The following RAPSN variants were observed in gnomAD, a reference collection of about 807,000 sequenced individuals.
RAPSN encodes receptor associated protein of the synapse, also known as 43 kDa receptor-associated protein of the synapse.
Under a neutral mutation model 45.7 loss-of-function variants are expected in RAPSN, and 33 were observed. That is an observed-to-expected ratio of 0.72 (90% CI 0.55 to 0.97). RAPSN has a LOEUF of 0.97. RAPSN is among the 50% of genes least tolerant of loss of function. The pLI, the probability that RAPSN is intolerant of heterozygous loss-of-function variation, is 0.00. For synonymous variants in RAPSN, 244 were observed against 233.6 expected (o/e 1.04, Z -0.40); for missense variants, 519 against 559.4 (o/e 0.93, Z 0.73).
chr11:47,443,586 G>C (rs2076381510), intron 2 of RAPSN, among the ~76,000 whole-genome samples: 1 of 152,032 alleles, frequency 6.6e-6, no homozygotes, highest in Non-Finnish European at 1.5e-5. Flanking sequence ...TCTTTCTACA[G>C]AATCTTTCCC....
Position 47,448,065 on chromosome 11 carries a change from T to C in RAPSN, c.278A>G (p.Asn93Ser). Residue 93 changes from asparagine to serine, a missense_variant, in exon 2 of 8, where the codon AAC becomes AGC. Transcript: ENST00000298854. Reference sequence around the variant, plus strand: ...CTTGTGAAACTCGCACAGCTTCTCGTTGCTGCGTGCCAGGTTCAGGTAGCT... The same window carrying C: ...CTTGTGAAACTCGCACAGCTTCTCGCTGCTGCGTGCCAGGTTCAGGTAGCT... ...LESYLNLARS[N>S]EKLCEFHKTI... 1 of 1,614,062 alleles carries C rather than the reference T, an allele frequency of 6.2e-7. No individual in the cohort carries two copies. The highest frequency in any genetic ancestry group is 1.1e-5 in the South Asian group (1 of 91,080).
At chr11:47,441,132 G>C in intron 6 of RAPSN, 27 bp downstream of exon 6, 1 of 1,613,944 alleles carries the variant, frequency 6.2e-7, no homozygotes, top group Non-Finnish European at 8.5e-7. Context: ...CTTGACCCCA[G>C]ATCCAGGACA....
chr11:47,443,317 C>T (rs1392952875), intron 2 of RAPSN, among the ~76,000 whole-genome samples: 2 of 152,198 alleles, frequency 1.3e-5, no homozygotes, highest in Admixed American at 1.3e-4. Flanking sequence ...GCGATGCAAC[C>T]ATTGGCTTGT....
At chr11:47,447,181 A>G (rs1221759225) in intron 2 of RAPSN, among the ~76,000 whole-genome samples, 1 of 152,088 alleles carries the variant, frequency 6.6e-6, no homozygotes, top group Non-Finnish European at 1.5e-5. Flanking sequence ...TCAAGCCATC[A>G]AACATCACCT....
chr11:47,438,077 C>T (rs2076327827), intron 7 of RAPSN, 30 bp from the exon 8 acceptor site: 2 of 1,549,100 alleles, frequency 1.3e-6, no homozygotes, highest in East Asian at 2.4e-5. Flanking sequence ...TGTCCACTCC[C>T]CTGAGGCCTG....
intron 2 of RAPSN, among the ~76,000 whole-genome samples, chr11:47,447,106 G>A (rs1002622854): frequency 2.4e-4 from 36 of 152,134 alleles, no homozygotes; most frequent in African/African-American, 8.7e-4. Flanking sequence ...TTGGCTTTAG[G>A]GGCTCGCCCA....
At chr11:47,438,611 C>A in intron 7 of RAPSN, 121 bp downstream of exon 7, 1 of 1,248,978 alleles carries the variant, frequency 8.0e-7, no homozygotes, top group Non-Finnish European at 1.1e-6. Context: ...ACGTGAGGCA[C>A]CACGCCTGGC....
rs924160746 is a variant in RAPSN, at chr11:47,441,703, T to G, written c.820A>C (p.Ser274Arg). The change falls in exon 5 of 8, where the codon AGC (serine) becomes CGC (arginine). Residue 274 changes from serine (S) to arginine (R), a missense_variant. Ser to Arg is a moderately radical substitution (Grantham distance 110, BLOSUM62 -1). Transcript: ENST00000298854. ...CGGTTTCCGATCTCGGTCATGATGC[T>G]CATGGCGGAGTCGTACCTGGGGAAG... is the stretch of plus-strand genomic sequence containing the variant. ...TAFPRYDSAM[S>R]IMTEIGNRLG... 2 of 1,608,948 alleles carry G rather than the reference T, an allele frequency of 1.2e-6. No individual in the cohort carries two copies. The highest frequency in any genetic ancestry group is 1.7e-6 in the Non-Finnish European group (2 of 1,179,902).
In RAPSN at chr11:47,447,904, C is replaced by G; in HGVS notation, c.439G>C (p.Glu147Gln). The G allele has an allele frequency of 1.2e-6, 2 of 1,613,192 alleles. No individual in the cohort carries two copies. The highest frequency in any genetic ancestry group is 1.1e-5 in the South Asian group (1 of 91,002). The part of the protein sequence containing the change: ...SVFQKALESF[E>Q]KALRYAHNND... ...TTGTGGGCATAGCGCAGGGCCTTCT[C>G]GAAGCTCTCCAGGGCCTTCTGGAAG... Residue 147 changes from glutamate to glutamine, a missense_variant, in exon 2 of 8, where the codon GAG (glutamate) becomes CAG (glutamine). Glu to Gln is a conservative substitution (Grantham distance 29, BLOSUM62 2). Coordinates refer to ENST00000298854, the MANE Select transcript of RAPSN (RefSeq NM_005055.5).
intron 2 of RAPSN, among the ~76,000 whole-genome samples, chr11:47,445,423 C>T (rs1367320100): frequency 3.3e-5 from 5 of 151,154 alleles, no homozygotes; most frequent in Admixed American, 2.0e-4. Flanking sequence ...GGTGAAACCC[C>T]GTCTCTACTA....
intron 2 of RAPSN, among the ~76,000 whole-genome samples, chr11:47,446,000 C>T (rs1281314062): frequency 6.6e-6 from 1 of 151,816 alleles, no homozygotes; most frequent in Non-Finnish European, 1.5e-5. Context: ...ACACTCATGG[C>T]TCACTGCAGC....
chr11:47,440,428 C>T (rs1595897644), intron 6 of RAPSN, among the ~76,000 whole-genome samples: 1 of 152,344 alleles, frequency 6.6e-6, no homozygotes, highest in Middle Eastern at 3.4e-3. Context: ...CAGGTGTGTG[C>T]CACAACAGCT....
Position 47,438,721 on chromosome 11 carries a change from G to A in RAPSN, c.1166+11C>T. ...CTGCCCACCCCTGTCCACCCCCCCA[G>A]GAGCCCCCACCTGAGGTGGAAGATG... is the stretch of plus-strand genomic sequence containing the variant. On this transcript the variant is annotated intron_variant, in intron 7 of 7. Transcript: ENST00000298854. 1 of 1,556,356 alleles carries A rather than the reference G, an allele frequency of 6.4e-7. No individual in the cohort carries two copies. Among genetic ancestry groups the A allele is most frequent in the South Asian group, 1.2e-5 (1 of 84,240 alleles).
Position 47,448,835 on chromosome 11 carries a change from G to A in RAPSN, c.130C>T (p.Arg44Cys), listed in dbSNP as rs772236739. The part of the protein sequence containing the change: ...EKSSDLMGRF[R>C]VLGCLVTAHS... ...GCTGTGACCAGGCAGCCCAGCACGC[G>A]GAAGCGCCCCATGAGGTCCGAGCTC... The change falls in exon 1 of 8, where the codon CGC (arginine) becomes TGC (cysteine). Residue 44 changes from arginine to cysteine, a missense_variant. Coordinates refer to ENST00000298854, the MANE Select transcript of RAPSN (RefSeq NM_005055.5). 14 of 1,613,956 alleles carry A rather than the reference G, an allele frequency of 8.7e-6. No individual in the cohort carries two copies. The highest frequency in any genetic ancestry group is 2.2e-5 in the South Asian group (2 of 91,090).
chr11:47,448,745 C>T (rs771736308), intron 1 of RAPSN, 28 bp downstream of exon 1: 7 of 1,603,410 alleles, frequency 4.4e-6, no homozygotes, highest in South Asian at 1.1e-5. Context: ...GCCTGACCCT[C>T]GAACGCCCCC....
At chr11:47,438,631 G>A in intron 7 of RAPSN, 101 bp downstream of exon 7, 1 of 1,411,870 alleles carries the variant, frequency 7.1e-7, no homozygotes, top group East Asian at 2.5e-5. Flanking sequence ...CCAAGGTTAA[G>A]TGTTTGCTAT....
In RAPSN at chr11:47,445,073, C is replaced by A. The variant is rs1015385786; in HGVS notation, c.532-2259G>T. Reference sequence around the variant, plus strand: ...CCCGTCTCTACTAGAAATACACACACAAAAAAAATTAGCGGGGCGTGGTGG... The same window carrying A: ...CCCGTCTCTACTAGAAATACACACAAAAAAAAAATTAGCGGGGCGTGGTGG... On this transcript the variant is annotated intron_variant, in intron 2 of 7. Transcript: ENST00000298854. 8.3e-5 allele frequency among the ~76,000 whole-genome samples: 12 copies of A among 143,748 alleles called. No homozygotes were observed. In the South Asian group the frequency reaches 1.1e-3, roughly 14 times the overall value. 94.3% of individuals were successfully genotyped at this position (143,748 alleles called of 152,430 possible). A position where few individuals can be genotyped will look rare whatever the true frequency, so the allele number is the denominator to read the frequency against.
chr11:47,448,323 A>G (rs1191123273), intron 1 of RAPSN, among the ~76,000 whole-genome samples, 173 bp from the exon 2 acceptor site: 1 of 151,772 alleles, frequency 6.6e-6, no homozygotes, highest in Non-Finnish European at 1.5e-5. Flanking sequence ...CGCCAGCCTC[A>G]GCTACCTTCC....
intron 7 of RAPSN, 125 bp downstream of exon 7, chr11:47,438,607 G>T: frequency 8.4e-7 from 1 of 1,183,964 alleles, no homozygotes; most frequent in Non-Finnish European, 1.2e-6. Flanking sequence ...ACAGACGTGA[G>T]GCACCACGCC....
Sources: allele counts gnomAD v4.1 joint callset (sites outside exome capture counted in the v4.1 genomes callset), GRCh38; gene constraint gnomAD v4.1.1; transcripts MANE v1.5; gene names NCBI Gene and HGNC (gene_info 2026-07-23, HGNC 2026-07-21).